Variants in TSPAN33 observed in about 807,000 individuals in gnomAD.
The protein encoded by TSPAN33 is tetraspanin 33, also known as tetraspanin-33.
TSPAN33 carries 27 observed loss-of-function variants against 34.8 expected under a neutral mutation model. The observed-to-expected ratio is 0.78, with a 90% CI of 0.57 to 1.07. The LOEUF (loss-of-function observed/expected upper bound fraction) is 1.07. TSPAN33 is among the 50% of genes least tolerant of loss of function. The probability of loss-of-function intolerance (pLI) is 0.00; values close to 1 mark genes in which losing one functional copy is unlikely to be tolerated. For synonymous variants in TSPAN33, 119 were observed against 124.2 expected, an observed-to-expected ratio of 0.96 and a Z score of 0.28; for missense variants, 272 against 324.9, an observed-to-expected ratio of 0.84 and a Z score of 1.25.
intron 1 of TSPAN33, among the ~76,000 whole-genome samples, chr7:129,155,720 CT>C (rs1202175087): frequency 1.3e-5 from 2 of 150,968 alleles, no homozygotes; most frequent in African/African-American, 4.9e-5. Flanking sequence ...TACTACATTA[CT>C]TTTTTCTTTC....
chr7:129,155,802 G>A (rs1408074637), intron 1 of TSPAN33, among the ~76,000 whole-genome samples: 1 of 151,892 alleles, frequency 6.6e-6, no homozygotes, highest in African/African-American at 2.4e-5. Flanking sequence ...GCTCACTGCA[G>A]CCTCAACCTC....
At chr7:129,157,124 A>G (rs1217701513) in intron 1 of TSPAN33, among the ~76,000 whole-genome samples, 1 of 152,198 alleles carries the variant, frequency 6.6e-6, no homozygotes, top group Non-Finnish European at 1.5e-5. Context: ...ATTTTACAGA[A>G]AATTCTAGCA....
At chr7:129,146,893 G>A (rs543535542) in intron 1 of TSPAN33, among the ~76,000 whole-genome samples, 8 of 152,036 alleles carry the variant, frequency 5.3e-5, no homozygotes, top group South Asian at 2.1e-4. Flanking sequence ...GTCTGTGCTC[G>A]CCAGTGACAA....
intron 1 of TSPAN33, among the ~76,000 whole-genome samples, chr7:129,157,388 G>A (rs971812801): frequency 6.6e-6 from 1 of 152,026 alleles, no homozygotes; most frequent in South Asian, 2.1e-4. Context: ...AGGAATGGGG[G>A]TGTGCAAGGT....
chr7:129,161,482 A>C (rs899919285), intron 1 of TSPAN33, among the ~76,000 whole-genome samples, 197 bp from the exon 2 acceptor site: 2 of 152,224 alleles, frequency 1.3e-5, no homozygotes, highest in Admixed American at 6.5e-5. Flanking sequence ...ATAATGAAAA[A>C]TATGATGTGG....
chr7:129,162,810 C>T, intron 3 of TSPAN33, 23 bp from the exon 4 acceptor site: 1 of 1,612,896 alleles, frequency 6.2e-7, no homozygotes, highest in Non-Finnish European at 8.5e-7. Flanking sequence ...TCCTAGACGC[C>T]TCTTCTTCCT....
rs1330828116 is a variant in TSPAN33 at position 129,167,297 on chromosome 7, C to CTA, written c.589-102_589-101insTA. The stretch of plus-strand genomic sequence containing the variant: ...AATATCCTCCACATATATTCTCTGA[C>CTA]AATTTAGGAGTTTGGGAAGGGTGGG... On this transcript the variant is annotated intron_variant, in intron 6 of 7. Coordinates refer to ENST00000486685, the MANE Select transcript of TSPAN33 (RefSeq NM_178562.5). This position sits in a 1 kb window ranked among gnomAD's most constrained non-coding sequence, Gnocchi z 4.6. 1 of 1,372,420 alleles carries CTA rather than the reference C, an allele frequency of 7.3e-7. No homozygotes were observed. Among genetic ancestry groups the CTA allele is most frequent in the African/African-American group, 1.4e-5 (1 of 68,972 alleles). The allele number at this position is 1,372,420 out of a possible 1,614,324, so 85.0% of individuals were successfully genotyped here. A position where few individuals can be genotyped will look rare whatever the true frequency, so the allele number is the denominator to read the frequency against.
intron 1 of TSPAN33, among the ~76,000 whole-genome samples, chr7:129,147,386 C>T (rs1021279274): frequency 6.6e-6 from 1 of 152,194 alleles, no homozygotes; most frequent in African/African-American, 2.4e-5. Flanking sequence ...AAGGATGAAT[C>T]TCCCTGTGTC....
In TSPAN33 at chr7:129,153,561, A is replaced by C. The variant is rs1416824590; in HGVS notation, c.103-8118A>C. ...CTTGATTGGATCCTGGATAAGAAAC[A>C]AAAAAAAGGTTACAAAGGACATTTT... On this transcript the variant is annotated intron_variant, in intron 1 of 7. Coordinates refer to ENST00000486685, the MANE Select transcript of TSPAN33 (RefSeq NM_178562.5). Among the ~76,000 whole-genome samples, 3 of 151,844 alleles carry C rather than the reference A, an allele frequency of 2.0e-5. No individual in the cohort carries two copies. In the East Asian group the frequency reaches 5.8e-4, roughly 29 times the overall value.
intron 5 of TSPAN33, chr7:129,166,487 C>T (rs1380254013): frequency 4.2e-6 from 1 of 236,122 alleles, no homozygotes; most frequent in African/African-American, 2.3e-5. Context: ...AAACTTCTCT[C>T]AAGAAGATTA....
At chr7:129,166,655 TA>T (rs1793145069) in intron 5 of TSPAN33, 122 bp from the exon 6 acceptor site, 5 of 1,286,318 alleles carry the variant, frequency 3.9e-6, no homozygotes, top group Non-Finnish European at 5.4e-6. Context: ...AAGGCTGTGT[TA>T]AAACACAACC....
Position 129,167,518 on chromosome 7 carries a change from A to G in TSPAN33, c.708A>G (p.Leu236=). ...TGGTCAACTGGATACACAGCAACCTATTCTTACTTGGTGGTGTGGCTCTAG... is the reference window on the plus strand; with the variant it reads ...TGGTCAACTGGATACACAGCAACCTGTTCTTACTTGGTGGTGTGGCTCTAG... ...DKLVNWIHSN[L]FLLGGVALGL... Residue 236 remains leucine (L), a synonymous_variant, in exon 7 of 8, where the codon CTA becomes CTG. Transcript: ENST00000486685. This position sits in a 1 kb window ranked among gnomAD's most constrained non-coding sequence, Gnocchi z 4.6. 1 of 1,614,170 alleles carries G rather than the reference A, an allele frequency of 6.2e-7. No individual in the cohort carries two copies. Among genetic ancestry groups the G allele is most frequent in the Non-Finnish European group, 8.5e-7 (1 of 1,180,018 alleles).
chr7:129,145,046 G>A lies in TSPAN33; in HGVS notation c.66G>A (p.Val22=), dbSNP rs753868086. 3 of 733,556 alleles carry A rather than the reference G, an allele frequency of 4.1e-6. No individual in the cohort carries two copies. The highest frequency in any genetic ancestry group is 7.6e-6 in the Non-Finnish European group (3 of 396,860). 45.4% of individuals were successfully genotyped at this position (733,556 alleles called of 1,614,324 possible). Residue 22 remains valine (V), a synonymous_variant, in exon 1 of 8, where the codon GTG becomes GTA. Transcript: ENST00000486685. The stretch of plus-strand genomic sequence containing the variant: ...AGTTCTCCTTCGTCAGCCCGCTGGT[G>A]AAATACCTGCTCTTCTTCTTCAACA... ...GEEFSFVSPL[V]KYLLFFFNML...
At chr7:129,150,825 G>A (rs1563135828) in intron 1 of TSPAN33, among the ~76,000 whole-genome samples, 1 of 152,116 alleles carries the variant, frequency 6.6e-6, no homozygotes, top group Non-Finnish European at 1.5e-5. Context: ...GGAGGAAAGA[G>A]AGTGGCAAGC....
chr7:129,157,522 G>C (rs1028965363), intron 1 of TSPAN33, among the ~76,000 whole-genome samples: 1 of 152,114 alleles, frequency 6.6e-6, no homozygotes, highest in Non-Finnish European at 1.5e-5. Flanking sequence ...TGTGGCTCTA[G>C]ATCCCTGGCT....
rs1451507201 is a variant in TSPAN33, at chr7:129,165,629, G to A, written c.459+1060G>A. ...CTATGAATCAAAAGTTAACAATTAG[G>A]CCAGGCATGGTAGCTTACATCTGTA... On this transcript the variant is annotated intron_variant, in intron 5 of 7. Coordinates refer to ENST00000486685, the MANE Select transcript of TSPAN33 (RefSeq NM_178562.5). This position sits in a 1 kb window ranked among gnomAD's most constrained non-coding sequence, Gnocchi z 4.5. 6.6e-6 allele frequency among the ~76,000 whole-genome samples: 1 copy of A among 152,212 alleles called. No homozygotes were observed. Among genetic ancestry groups the A allele is most frequent in the Non-Finnish European group, 1.5e-5 (1 of 68,036 alleles).
chr7:129,159,760 G>A (rs371540589), intron 1 of TSPAN33, among the ~76,000 whole-genome samples: 42 of 152,320 alleles, frequency 2.8e-4, no homozygotes, highest in African/African-American at 9.1e-4. Flanking sequence ...TGTGGGACAA[G>A]GCGCCAGCTG....
At chr7:129,152,232 A>G (rs1381769969) in intron 1 of TSPAN33, among the ~76,000 whole-genome samples, 1 of 152,232 alleles carries the variant, frequency 6.6e-6, no homozygotes, top group African/African-American at 2.4e-5. Context: ...ATTCCTAGGT[A>G]TAGAGAACAT....
chr7:129,161,345 T>C (rs1793045841), intron 1 of TSPAN33, among the ~76,000 whole-genome samples: 1 of 152,228 alleles, frequency 6.6e-6, no homozygotes, highest in Non-Finnish European at 1.5e-5. Flanking sequence ...CCTCCCAAAA[T>C]GCCCAGCCTG....
Sources: allele counts gnomAD v4.1 joint callset (sites outside exome capture counted in the v4.1 genomes callset), GRCh38; gene constraint gnomAD v4.1.1; non-coding constraint Gnocchi (gnomAD v3.1); transcripts MANE v1.5; gene names NCBI Gene and HGNC (gene_info 2026-07-23, HGNC 2026-07-21).